Variants in SLC25A30 observed in about 807,000 individuals in gnomAD.
SLC25A30 encodes kidney mitochondrial carrier protein 1.
Under a neutral mutation model 42.7 loss-of-function variants are expected in SLC25A30, and 29 were observed. The ratio of observed to expected loss-of-function variants is 0.68; its 90% CI spans 0.51 to 0.93. SLC25A30 has a LOEUF of 0.93. SLC25A30 is among the 40% of genes least tolerant of loss of function. SLC25A30 has a pLI of 0.00. For synonymous variants in SLC25A30, 124 were observed against 131.0 expected (o/e 0.95, Z 0.37); for missense variants, 300 against 359.7 (o/e 0.83, Z 1.34).
the SLC25A30 span, among the ~76,000 whole-genome samples, chr13:45,425,176 A>G: frequency 1.0e-5 from 1 of 98,262 alleles, no homozygotes; most frequent in Non-Finnish European, 1.8e-5. Context: ...ATAAGTATAT[A>G]AATATATATA....
In SLC25A30 at chr13:45,402,375, A is replaced by G. The variant is rs760499952; in HGVS notation, c.394-5T>C. ...GCTTTGCGCTTGCATCCGAATCTAG[A>G]GATTATTTTAAAGACCAACATCAGA... On this transcript the variant is annotated splice_polypyrimidine_tract_variant and splice_region_variant and intron_variant, in intron 5 of 9. Transcript: ENST00000519676. 1 of 1,612,420 alleles carries G rather than the reference A, an allele frequency of 6.2e-7. No individual in the cohort carries two copies. Among genetic ancestry groups the G allele is most frequent in the South Asian group, 1.1e-5 (1 of 91,022 alleles).
At chr13:45,414,657 C>CAG (rs1883365016) in intron 1 of SLC25A30, among the ~76,000 whole-genome samples, 1 of 151,632 alleles carries the variant, frequency 6.6e-6, no homozygotes, top group Non-Finnish European at 1.5e-5. Context: ...CACACACACA[C>CAG]ACACACACAC....
the SLC25A30 span, among the ~76,000 whole-genome samples, chr13:45,424,521 A>T: frequency 1.7e-5 from 1 of 57,790 alleles, no homozygotes; most frequent in Non-Finnish European, 3.5e-5. Flanking sequence ...ATATAAATAT[A>T]TAAAAATATA....
intron 5 of SLC25A30, among the ~76,000 whole-genome samples, chr13:45,403,501 T>C (rs1283012564): frequency 6.6e-6 from 1 of 152,254 alleles, no homozygotes; most frequent in Non-Finnish European, 1.5e-5. Context: ...TCCTAATTTT[T>C]ATTTTATTTA....
chr13:45,424,593 A>G, the SLC25A30 span, among the ~76,000 whole-genome samples: 1 of 70,128 alleles, frequency 1.4e-5, no homozygotes, highest in South Asian at 4.7e-4. Flanking sequence ...ATATAAATAT[A>G]TATAAATATA....
chr13:45,425,153 T>TA, the SLC25A30 span, among the ~76,000 whole-genome samples: 1 of 93,628 alleles, frequency 1.1e-5, no homozygotes, highest in African/African-American at 4.3e-5. Flanking sequence ...TATAAATATA[T>TA]TGATAAATAT....
chr13:45,428,520 T>TC, the SLC25A30 span, among the ~76,000 whole-genome samples: 10,106 of 96,218 alleles, frequency 0.11, 509 homozygotes, highest in Non-Finnish European at 0.15. Context: ...TTTTTAACTT[T>TC]TTTTTTTTTT....
chr13:45,394,604 AT>A lies in SLC25A30; in HGVS notation c.*1369del, dbSNP rs1055801552. 8.1e-6 allele frequency: 8 copies of A among 985,408 alleles called. No homozygotes were observed. The African/African-American group carries it at 1.4e-4, about 17-fold the overall frequency. 61.0% of individuals were successfully genotyped at this position (985,408 alleles called of 1,614,324 possible). On this transcript the variant is annotated 3_prime_UTR_variant, in exon 10 of 10. Transcript: ENST00000519676. ...GGAAGTTCTTGGGGTTCTCACAGTC[AT>A]CTTTTATTTTGAAAAGACTAAGATG...
At chr13:45,423,820 A>AT in the SLC25A30 span, among the ~76,000 whole-genome samples, 409 of 81,370 alleles carry the variant, frequency 5.0e-3, 4 homozygotes, top group Non-Finnish European at 7.1e-3. Flanking sequence ...ATAAAAATAT[A>AT]AATATATATT....
In SLC25A30 at chr13:45,402,319, A is replaced by G; in HGVS notation, c.445T>C (p.Phe149Leu). ...NTIQGGMIGN[F>L]MNIYQQEGTR... ...CCCTCTTGCTGGTAAATGTTCATGA[A>G]GTTGCCTATCATTCCTCCTTGAATG... Residue 149 changes from phenylalanine (F) to leucine (L), a missense_variant, in exon 6 of 10, where the codon TTC (phenylalanine) becomes CTC (leucine). Coordinates refer to ENST00000519676, the MANE Select transcript of SLC25A30 (RefSeq NM_001010875.4). 1.9e-6 allele frequency: 3 copies of G among 1,614,070 alleles called. No individual in the cohort carries two copies. The highest frequency in any genetic ancestry group is 3.3e-4 in the Middle Eastern group (2 of 6,062).
At chr13:45,425,477 CATATATAA>C in the SLC25A30 span, among the ~76,000 whole-genome samples, 1 of 96,496 alleles carries the variant, frequency 1.0e-5, no homozygotes, top group Non-Finnish European at 1.9e-5. Flanking sequence ...TATATATAAG[CATATATAA>C]ATATATATAA....
the SLC25A30 span, among the ~76,000 whole-genome samples, chr13:45,423,523 C>A: frequency 0.15 from 10,140 of 67,166 alleles, 668 homozygotes; most frequent in Non-Finnish European, 0.18. Flanking sequence ...TATATATATA[C>A]AAATATATAT....
rs190868483 is a variant in SLC25A30, at chr13:45,415,674, C to T, written c.-56+2626G>A. Among the ~76,000 whole-genome samples, 231 of 150,830 alleles carry T rather than the reference C, an allele frequency of 1.5e-3. 4 individuals are homozygous for T. The East Asian group carries it at 0.038, about 25-fold the overall frequency. On this transcript the variant is annotated intron_variant, in intron 1 of 9. Coordinates refer to ENST00000519676, the MANE Select transcript of SLC25A30 (RefSeq NM_001010875.4). ...GCTGAGGCAGGAGAATAGCTTTGAA[C>T]CCGGGAGGCAGAGGTTGCAGTGAGC...
intron 3 of SLC25A30, among the ~76,000 whole-genome samples, chr13:45,407,045 G>A (rs1223266558): frequency 6.6e-6 from 1 of 151,758 alleles, no homozygotes; most frequent in East Asian, 1.9e-4. Context: ...GCAGATCACT[G>A]CACCTCAGGA....
chr13:45,393,483 A>C lies in SLC25A30; in HGVS notation c.*2491T>G. On this transcript the variant is annotated 3_prime_UTR_variant, in exon 10 of 10. Transcript: ENST00000519676. ...TAGCACATGAATAAATATAAAGGAC[A>C]GGAGCCACTTTTTATATTATGAATC... 1.0e-6 allele frequency: 1 copy of C among 985,058 alleles called. No homozygotes were observed. The highest frequency in any genetic ancestry group is 4.7e-5 in the South Asian group (1 of 21,274). The allele number at this position is 985,058 out of a possible 1,614,324, so 61.0% of individuals were successfully genotyped here.
At chr13:45,400,022 A>ATATATATATT (rs1566202391) in intron 7 of SLC25A30, among the ~76,000 whole-genome samples, 1 of 119,996 alleles carries the variant, frequency 8.3e-6, no homozygotes, top group African/African-American at 3.2e-5. Flanking sequence ...GATTATATAT[A>ATATATATATT]TATATATATA....
At chr13:45,413,074 C>A (rs1202230959) in intron 1 of SLC25A30, among the ~76,000 whole-genome samples, 1 of 152,188 alleles carries the variant, frequency 6.6e-6, no homozygotes, top group Non-Finnish European at 1.5e-5. Context: ...CTAGGACCCC[C>A]CATCGGGCAC....
the SLC25A30 span, among the ~76,000 whole-genome samples, chr13:45,430,522 G>T: frequency 6.6e-6 from 1 of 152,174 alleles, no homozygotes; most frequent in African/African-American, 2.4e-5. Flanking sequence ...TTAAGAATAT[G>T]GGGCCTGGCA....
In SLC25A30 at chr13:45,394,878, TA is replaced by T; in HGVS notation, c.*1095del. ...AGTCCAAGACAGGCACAACATAAAC[TA>T]AAGTAAAAACTGGAAACCTGGAAAA... On this transcript the variant is annotated 3_prime_UTR_variant, in exon 10 of 10. Transcript: ENST00000519676. The T allele has an allele frequency of 1.0e-6, 1 of 985,332 alleles. No individual in the cohort carries two copies. The highest frequency in any genetic ancestry group is 1.2e-6 in the Non-Finnish European group (1 of 829,886). The allele number at this position is 985,332 out of a possible 1,614,324, so 61.0% of individuals were successfully genotyped here.
Sources: allele counts gnomAD v4.1 joint callset (sites outside exome capture counted in the v4.1 genomes callset), GRCh38; gene constraint gnomAD v4.1.1; transcripts MANE v1.5; gene names NCBI Gene and HGNC (gene_info 2026-07-23, HGNC 2026-07-21).